CHN1: variants seen among roughly 807,000 people sequenced by gnomAD.
CHN1 encodes the protein N-chimaerin.
CHN1 carries 37 observed loss-of-function variants against 59.5 expected under a neutral mutation model. The ratio of observed to expected loss-of-function variants is 0.62; its 90% CI spans 0.48 to 0.82. The LOEUF (loss-of-function observed/expected upper bound fraction) is 0.82, where lower values mean the gene tolerates loss of function less well. Ranked by LOEUF, CHN1 falls within the 40% of genes least tolerant of loss-of-function variation. The probability of loss-of-function intolerance (pLI) is 0.00; values close to 1 mark genes in which losing one functional copy is unlikely to be tolerated. For synonymous variants in CHN1, 206 were observed against 200.4 expected (o/e 1.03, Z -0.24); for missense variants, 469 against 571.0 (o/e 0.82, Z 1.82).
At chr2:174,918,174 A>G (rs116692368) in intron 4 of CHN1, among the ~76,000 whole-genome samples, 2,048 of 152,208 alleles carry the variant, frequency 0.013, 37 homozygotes, top group African/African-American at 0.046. Context: ...ATATAGAATA[A>G]ATCACCCACA....
intron 1 of CHN1, among the ~76,000 whole-genome samples, chr2:174,997,296 A>G (rs1691738947): frequency 6.6e-6 from 1 of 152,036 alleles, no homozygotes; most frequent in South Asian, 2.1e-4. Context: ...TTTTTCACAC[A>G]CTTTTGCTTA....
intron 3 of CHN1, among the ~76,000 whole-genome samples, chr2:174,935,942 T>C (rs1354143544): frequency 1.3e-5 from 2 of 152,060 alleles, no homozygotes; most frequent in African/African-American, 4.8e-5. Context: ...CTAAAAAATA[T>C]ATTAAAAGTA....
intron 11 of CHN1, 114 bp downstream of exon 11, chr2:174,808,791 G>A: frequency 9.0e-7 from 1 of 1,117,092 alleles, no homozygotes; most frequent in Non-Finnish European, 1.3e-6. Flanking sequence ...TAACCATAGA[G>A]AGAGGCAAAG....
intron 1 of CHN1, among the ~76,000 whole-genome samples, chr2:174,982,367 T>C (rs560537864): frequency 0.01 from 1,546 of 152,268 alleles, 29 homozygotes; most frequent in African/African-American, 0.035. Context: ...CCTGAGGAAT[T>C]GCCACACTGA....
chr2:174,969,589 G>C (rs1248614940), intron 1 of CHN1, among the ~76,000 whole-genome samples: 1 of 151,952 alleles, frequency 6.6e-6, no homozygotes, highest in Non-Finnish European at 1.5e-5. Flanking sequence ...GAATCTTCCT[G>C]CCCAGGTGTC....
chr2:174,987,979 A>C (rs1222140561), intron 1 of CHN1, among the ~76,000 whole-genome samples: 1 of 152,150 alleles, frequency 6.6e-6, no homozygotes, highest in Non-Finnish European at 1.5e-5. Flanking sequence ...AGACCAAAAA[A>C]AACCCTCCAA....
intron 6 of CHN1, chr2:174,847,548 C>T: frequency 1.6e-6 from 2 of 1,255,514 alleles, no homozygotes; most frequent in Non-Finnish European, 2.0e-6. Context: ...TGCCTACATA[C>T]TGCCTGCAAT....
chr2:174,939,426 T>A (rs116367748), intron 3 of CHN1, among the ~76,000 whole-genome samples: 3,339 of 152,294 alleles, frequency 0.022, 118 homozygotes, highest in African/African-American at 0.076. Flanking sequence ...CACAACTACA[T>A]TGAGCCTCAA....
At chr2:174,950,252 T>TC (rs1166911450) in intron 2 of CHN1, among the ~76,000 whole-genome samples, 9 of 142,666 alleles carry the variant, frequency 6.3e-5, no homozygotes, top group Middle Eastern at 3.6e-3. Flanking sequence ...TATCTCTCTC[T>TC]TTTTTTTTTT....
intron 11 of CHN1, among the ~76,000 whole-genome samples, chr2:174,806,935 T>C (rs919057662): frequency 6.6e-6 from 1 of 152,238 alleles, no homozygotes; most frequent in African/African-American, 2.4e-5. Context: ...GCCAGGGTTT[T>C]TGGTGTCATT....
At chr2:174,981,646 C>T (rs1046546326) in intron 1 of CHN1, among the ~76,000 whole-genome samples, 1 of 152,140 alleles carries the variant, frequency 6.6e-6, no homozygotes, top group Non-Finnish European at 1.5e-5. Context: ...TGTCTGAATA[C>T]TTAATTCAAT....
chr2:174,945,374 T>C (rs931549777), intron 2 of CHN1: 1 of 162,570 alleles, frequency 6.2e-6, no homozygotes, highest in Non-Finnish European at 1.4e-5. Flanking sequence ...AACACACTAT[T>C]TATATTGCAA....
chr2:174,908,284 T>C (rs1403999992), intron 5 of CHN1, among the ~76,000 whole-genome samples: 1 of 152,200 alleles, frequency 6.6e-6, no homozygotes, highest in African/African-American at 2.4e-5. Flanking sequence ...TTCTCCATAG[T>C]CAAAGAAAAA....
At chr2:174,990,778 A>G (rs1195748057) in intron 1 of CHN1, among the ~76,000 whole-genome samples, 1 of 152,244 alleles carries the variant, frequency 6.6e-6, no homozygotes, top group Non-Finnish European at 1.5e-5. Context: ...TGATAAAAGA[A>G]ACATGAATTG....
intron 1 of CHN1, among the ~76,000 whole-genome samples, chr2:174,967,325 T>C (rs762163949): frequency 6.6e-6 from 1 of 152,114 alleles, no homozygotes; most frequent in Non-Finnish European, 1.5e-5. Context: ...CATTGCACTC[T>C]AGCCTGGGCA....
intron 7 of CHN1, among the ~76,000 whole-genome samples, chr2:174,830,232 C>CA (rs138064942): frequency 0.076 from 11,245 of 148,542 alleles, 1,271 homozygotes; most frequent in African/African-American, 0.25. Context: ...GACTCTGTCT[C>CA]AAAAAAAAAT....
intron 6 of CHN1, among the ~76,000 whole-genome samples, chr2:174,868,509 T>C (rs531292870): frequency 9.2e-5 from 14 of 152,310 alleles, no homozygotes; most frequent in East Asian, 1.9e-4. Flanking sequence ...TCAACGTGCA[T>C]TGAAATCAGT....
Position 174,952,647 on chromosome 2 carries a change from T to C in CHN1, c.20-445A>G, listed in dbSNP as rs540869697. 4.6e-5 allele frequency among the ~76,000 whole-genome samples: 7 copies of C among 152,310 alleles called. No individual in the cohort carries two copies. In the East Asian group the frequency reaches 1.3e-3, roughly 29 times the overall value. On this transcript the variant is annotated intron_variant, in intron 1 of 12. Coordinates refer to ENST00000409900, the MANE Select transcript of CHN1 (RefSeq NM_001822.7). ...TTTCTATTATTTTCCCCCGTTACAT[T>C]TGGGGGATTCCAATGTACATGGTTT...
chr2:174,807,961 C>T (rs1684952533), intron 11 of CHN1, among the ~76,000 whole-genome samples: 1 of 152,112 alleles, frequency 6.6e-6, no homozygotes, highest in South Asian at 2.1e-4. Context: ...ACCAGTAATG[C>T]TAATACTTAA....
Sources: allele counts gnomAD v4.1 joint callset (sites outside exome capture counted in the v4.1 genomes callset), GRCh38; gene constraint gnomAD v4.1.1; transcripts MANE v1.5; gene names NCBI Gene and HGNC (gene_info 2026-07-23, HGNC 2026-07-21).